The following SORCS3 variants were observed in gnomAD, a reference collection of about 807,000 sequenced individuals.
The protein encoded by SORCS3 is sortilin related VPS10 domain containing receptor 3.
SORCS3 carries 57 observed loss-of-function variants against 146.3 expected under a neutral mutation model. That is an observed-to-expected ratio of 0.39 (90% CI 0.31 to 0.49). SORCS3 has a LOEUF of 0.49. Ranked by LOEUF, SORCS3 falls within the 20% of genes least tolerant of loss-of-function variation. The probability of loss-of-function intolerance (pLI) is 0.92; values close to 1 mark genes in which losing one functional copy is unlikely to be tolerated. For synonymous variants in SORCS3, 653 were observed against 618.5 expected (o/e 1.06, Z -0.83); for missense variants, 1,341 against 1,575.5 (o/e 0.85, Z 2.52).
Position 105,089,808 on chromosome 10 carries a change from G to C in SORCS3, c.1062G>C (p.Leu354=), listed in dbSNP as rs777990116. 48 of 1,613,970 alleles carry C rather than the reference G, an allele frequency of 3.0e-5. No homozygotes were observed. Among genetic ancestry groups the C allele is most frequent in the Non-Finnish European group, 4.0e-5 (47 of 1,179,976 alleles). ...CCGGATTGGATAAGGAGGCGGACCT[G>C]GTGCACATGGAGGTGCGGACCACGG... ...SVAGLDKEAD[L]VHMEVRTTDG... is the part of the protein sequence containing the mutation. The change falls in exon 6 of 27, where the codon CTG becomes CTC. Residue 354 remains leucine (L), a synonymous_variant. Transcript: ENST00000369701.
chr10:105,013,982 GACACAC>G (rs71952036), intron 4 of SORCS3, among the ~76,000 whole-genome samples: 16 of 144,708 alleles, frequency 1.1e-4, no homozygotes, highest in African/African-American at 1.8e-4. Context: ...CAGACACACA[GACACAC>G]ACACACACAC....
At chr10:104,912,209 T>C (rs779640379) in intron 2 of SORCS3, among the ~76,000 whole-genome samples, 1 of 152,208 alleles carries the variant, frequency 6.6e-6, no homozygotes, top group African/African-American at 2.4e-5. Context: ...ACACGTTGAG[T>C]GCATTTGAAA....
chr10:104,866,469 C>G (rs773140677), intron 2 of SORCS3, among the ~76,000 whole-genome samples: 19 of 151,932 alleles, frequency 1.3e-4, no homozygotes, highest in Non-Finnish European at 2.6e-4. Flanking sequence ...TTAAAAAAAA[C>G]CTAGGTACTT....
intron 5 of SORCS3, among the ~76,000 whole-genome samples, chr10:105,047,937 T>C (rs2055384970): frequency 6.6e-6 from 1 of 152,068 alleles, no homozygotes; most frequent in Non-Finnish European, 1.5e-5. Flanking sequence ...GAAAAAATGC[T>C]CATCATCACT....
intron 7 of SORCS3, among the ~76,000 whole-genome samples, chr10:105,117,643 C>T (rs2055902759): frequency 1.3e-5 from 2 of 152,050 alleles, no homozygotes; most frequent in Non-Finnish European, 2.9e-5. Flanking sequence ...GAACCTACAC[C>T]CCTCTGTAAG....
At chr10:105,176,977 G>A (rs1233986176) in intron 13 of SORCS3, among the ~76,000 whole-genome samples, 4 of 149,748 alleles carry the variant, frequency 2.7e-5, no homozygotes, top group Non-Finnish European at 5.9e-5. Context: ...GTGTGTGTGT[G>A]TATACACACA....
rs143891023 is a variant in SORCS3 at position 104,981,815 on chromosome 10, C to T, written c.954+4322C>T. Among the ~76,000 whole-genome samples the T allele has an allele frequency of 1.5e-3, 229 of 152,102 alleles. 2 individuals are homozygous for T. Among genetic ancestry groups the T allele is most frequent in the Non-Finnish European group, 5.7e-4 (39 of 67,972 alleles). The stretch of plus-strand genomic sequence containing the variant: ...GCTGAAAATAGCTATTTTTTTTCTG[C>T]GTGAGAGGTAGGATTGCAAAGCTCT... On this transcript the variant is annotated intron_variant, in intron 4 of 26. Coordinates refer to ENST00000369701, the MANE Select transcript of SORCS3 (RefSeq NM_014978.3).
chr10:104,674,806 T>G (rs2133260113), intron 1 of SORCS3, among the ~76,000 whole-genome samples: 1 of 152,356 alleles, frequency 6.6e-6, no homozygotes, highest in East Asian at 1.9e-4. Context: ...GTCTGTGAGA[T>G]TTAACCCTGT....
chr10:104,848,670 C>G (rs2018235422), intron 2 of SORCS3, among the ~76,000 whole-genome samples: 1 of 152,178 alleles, frequency 6.6e-6, no homozygotes, highest in South Asian at 2.1e-4. Flanking sequence ...CCGTCTAAAA[C>G]TGGGACGGTC....
chr10:104,806,241 C>T (rs551852338), intron 1 of SORCS3, among the ~76,000 whole-genome samples: 3 of 152,302 alleles, frequency 2.0e-5, no homozygotes, highest in East Asian at 1.9e-4. Flanking sequence ...CTAGCTGTCT[C>T]CTCTGAGTGT....
intron 2 of SORCS3, among the ~76,000 whole-genome samples, chr10:104,850,211 G>A (rs1032266915): frequency 2.8e-4 from 43 of 152,194 alleles, no homozygotes; most frequent in Non-Finnish European, 2.9e-5. Flanking sequence ...TGTGGAATGT[G>A]TTAAACATCT....
chr10:104,861,139 G>A (rs10884058), intron 2 of SORCS3, among the ~76,000 whole-genome samples: 71,431 of 151,914 alleles, frequency 0.47, 19,143 homozygotes, highest in East Asian at 0.72. Context: ...CCTCAGTTCA[G>A]TTCCCTTAAT....
At chr10:105,246,542 C>A in intron 21 of SORCS3, among the ~76,000 whole-genome samples, 1 of 152,142 alleles carries the variant, frequency 6.6e-6, no homozygotes, top group Non-Finnish European at 1.5e-5. Context: ...ATCCTCTGAT[C>A]AGATTATGTT....
intron 4 of SORCS3, among the ~76,000 whole-genome samples, chr10:104,987,638 AT>A (rs568907397): frequency 4.0e-5 from 6 of 151,454 alleles, no homozygotes; most frequent in Admixed American, 6.6e-5. Flanking sequence ...TTCTAGGAAT[AT>A]TTTTTTTTCT....
chr10:104,788,589 T>C (rs1022362237), intron 1 of SORCS3, among the ~76,000 whole-genome samples: 4 of 152,194 alleles, frequency 2.6e-5, no homozygotes, highest in Non-Finnish European at 5.9e-5. Context: ...CAGAAAAGCT[T>C]TTCATAGAAA....
chr10:104,877,907 T>C (rs2018592937), intron 2 of SORCS3, among the ~76,000 whole-genome samples: 1 of 152,194 alleles, frequency 6.6e-6, no homozygotes. Context: ...GAGGTCTCCT[T>C]AGGAATAATA....
At chr10:104,753,678 A>G (rs1322061497) in intron 1 of SORCS3, among the ~76,000 whole-genome samples, 1 of 152,158 alleles carries the variant, frequency 6.6e-6, no homozygotes, top group South Asian at 2.1e-4. Flanking sequence ...AAATACACTA[A>G]CTTTCATTAC....
At chr10:104,706,783 C>T (rs2133435597) in intron 1 of SORCS3, among the ~76,000 whole-genome samples, 1 of 152,294 alleles carries the variant, frequency 6.6e-6, no homozygotes, top group African/African-American at 2.4e-5. Flanking sequence ...CCTACATAAA[C>T]ATGTATATGC....
intron 2 of SORCS3, among the ~76,000 whole-genome samples, chr10:104,881,619 T>G (rs1589534519): frequency 6.6e-6 from 1 of 152,184 alleles, no homozygotes; most frequent in East Asian, 1.9e-4. Flanking sequence ...AATGGAAGGG[T>G]GGGTATTGTT....
Sources: gnomAD v4.1 joint callset for allele counts (sites outside exome capture counted in the v4.1 genomes callset) on GRCh38, gnomAD v4.1.1 for gene constraint, MANE v1.5 for transcripts, NCBI Gene and HGNC (gene_info 2026-07-23, HGNC 2026-07-21) for gene names.